The following DPYSL2 variants were observed in gnomAD, a reference collection of about 807,000 sequenced individuals.
DPYSL2 encodes dihydropyrimidinase-related protein 2.
Under a neutral mutation model 69.9 loss-of-function variants are expected in DPYSL2, and 13 were observed. That is an observed-to-expected ratio of 0.19 (90% CI 0.12 to 0.30). The LOEUF (loss-of-function observed/expected upper bound fraction) is 0.30. Among genes scored for constraint, DPYSL2 ranks in the 10% least tolerant of loss-of-function variants. The probability of loss-of-function intolerance (pLI) is 1.00; values close to 1 mark genes in which losing one functional copy is unlikely to be tolerated. For synonymous variants in DPYSL2, 326 were observed against 359.1 expected, an observed-to-expected ratio of 0.91 and a Z score of 1.04; for missense variants, 587 against 918.9, an observed-to-expected ratio of 0.64 and a Z score of 4.67.
At chr8:26,575,657 GAC>G (rs1290071043) in intron 1 of DPYSL2, among the ~76,000 whole-genome samples, 3 of 152,204 alleles carry the variant, frequency 2.0e-5, no homozygotes, top group Non-Finnish European at 4.4e-5. Context: ...CAATGAGACA[GAC>G]ACAAGCTCTT....
chr8:26,650,306 G>A lies in DPYSL2; in HGVS notation c.1597-1951G>A, dbSNP rs936833135. Among the ~76,000 whole-genome samples the A allele has an allele frequency of 1.3e-5, 2 of 152,316 alleles. No individual in the cohort carries two copies. Among genetic ancestry groups the A allele is most frequent in the African/African-American group, 4.8e-5 (2 of 41,578 alleles). On this transcript the variant is annotated intron_variant, in intron 11 of 13. Coordinates refer to ENST00000521913, the MANE Select transcript of DPYSL2 (RefSeq NM_001197293.3). This position sits in a 1 kb window ranked among gnomAD's most constrained non-coding sequence, Gnocchi z 5.3. The stretch of plus-strand genomic sequence containing the variant: ...ACCCAGGGCAGATGTCTCCATGGCC[G>A]AGGCTGCGCCCATACTCTACCCAGT...
At position 26,617,452 on chromosome 8, in the gene DPYSL2, A is replaced by G. The variant is rs1022691547; in HGVS notation, c.629-6691A>G. Among the ~76,000 whole-genome samples the G allele has an allele frequency of 6.6e-6, 1 of 152,122 alleles. No homozygotes were observed. The highest frequency in any genetic ancestry group is 2.1e-4 in the South Asian group (1 of 4,814). ...CAGGACTGCAGTGAGCTGTGATTGC[A>G]CTACTGCACTCCAGCCTGGGTGCCA... On this transcript the variant is annotated intron_variant, in intron 3 of 13. Coordinates refer to ENST00000521913, the MANE Select transcript of DPYSL2 (RefSeq NM_001197293.3). This position sits in a 1 kb window ranked among gnomAD's most constrained non-coding sequence, Gnocchi z 4.7.
rs149658426 is a variant in DPYSL2 at position 26,564,907 on chromosome 8, T to A, written c.355-17062T>A. ...TTGTACCTAATGTGTAGTTTTTTTTTATGCCTAGCCCCATTCCCACCCTCC... is the reference window on the plus strand; with the variant it reads ...TTGTACCTAATGTGTAGTTTTTTTTAATGCCTAGCCCCATTCCCACCCTCC... On this transcript the variant is annotated intron_variant, in intron 1 of 13. Coordinates refer to ENST00000521913, the MANE Select transcript of DPYSL2 (RefSeq NM_001197293.3). This position sits in a 1 kb window ranked among gnomAD's most constrained non-coding sequence, Gnocchi z 4.8. Among the ~76,000 whole-genome samples, 23 of 152,294 alleles carry A rather than the reference T, an allele frequency of 1.5e-4. No homozygotes were observed. The East Asian group carries it at 4.0e-3, about 27-fold the overall frequency.
At chr8:26,635,359 A>T (rs1332701906) in intron 8 of DPYSL2, among the ~76,000 whole-genome samples, 1 of 152,154 alleles carries the variant, frequency 6.6e-6, no homozygotes, top group Non-Finnish European at 1.5e-5. Context: ...TATCACATCC[A>T]GATGTTTTGG....
rs17055370 is a variant in DPYSL2 at position 26,514,277 on chromosome 8, T to C, written c.-49T>C. On this transcript the variant is annotated 5_prime_UTR_variant, in exon 1 of 14. Coordinates refer to ENST00000521913, the MANE Select transcript of DPYSL2 (RefSeq NM_001197293.3). The surrounding 1 kb of genome is among the most constrained non-coding windows in gnomAD (Gnocchi z 8.4). ...CACACAGCGAGGGAGACTTAGGGACTGGCAGACGGACGGACGGACGGCGAG... is the reference window on the plus strand; with the variant it reads ...CACACAGCGAGGGAGACTTAGGGACCGGCAGACGGACGGACGGACGGCGAG... 21,683 of 1,403,568 alleles carry C rather than the reference T, an allele frequency of 0.015. 220 individuals carry two copies. Among genetic ancestry groups the C allele is most frequent in the Middle Eastern group, 0.08 (434 of 5,440 alleles). 86.9% of individuals were successfully genotyped at this position (1,403,568 alleles called of 1,614,324 possible).
intron 3 of DPYSL2, among the ~76,000 whole-genome samples, chr8:26,603,999 G>T (rs1283506939): frequency 6.6e-6 from 1 of 152,124 alleles, no homozygotes; most frequent in Non-Finnish European, 1.5e-5. Flanking sequence ...GTGTGTGCCC[G>T]TAAATGGAAT....
At chr8:26,559,068 G>T (rs938655919) in intron 1 of DPYSL2, among the ~76,000 whole-genome samples, 1 of 152,056 alleles carries the variant, frequency 6.6e-6, no homozygotes, top group Non-Finnish European at 1.5e-5. Context: ...TCAGCCTCTT[G>T]AGTAACTGGG....
In DPYSL2 at chr8:26,656,060, C is replaced by T; in HGVS notation, c.*354C>T. 2 of 213,982 alleles carry T rather than the reference C, an allele frequency of 9.3e-6. No individual in the cohort carries two copies. Among genetic ancestry groups the T allele is most frequent in the Non-Finnish European group, 1.8e-5 (2 of 109,062 alleles). The allele number at this position is 213,982 out of a possible 1,614,324, so 13.3% of individuals were successfully genotyped here. On this transcript the variant is annotated 3_prime_UTR_variant, in exon 14 of 14. Transcript: ENST00000521913. ...TAGTGTCTGTTAGCATCTTCCTTTT[C>T]ATGGGGGGAGGGAAGATAAAGTGAA...
Position 26,560,108 on chromosome 8 carries a change from A to G in DPYSL2, c.355-21861A>G, listed in dbSNP as rs1801048331. Among the ~76,000 whole-genome samples, 1 of 152,246 alleles carries G rather than the reference A, an allele frequency of 6.6e-6. No individual in the cohort carries two copies. Among genetic ancestry groups the G allele is most frequent in the Admixed American group, 6.5e-5 (1 of 15,282 alleles). On this transcript the variant is annotated intron_variant, in intron 1 of 13. Coordinates refer to ENST00000521913, the MANE Select transcript of DPYSL2 (RefSeq NM_001197293.3). The surrounding 1 kb of genome is among the most constrained non-coding windows in gnomAD (Gnocchi z 4.4). ...TAAAAGAAATAATGCAGATATGCTA[A>G]GCAGAGTTGGTTTAGCAGAAGACAG...
rs377315444 is a variant in DPYSL2 at position 26,634,557 on chromosome 8, C to T, written c.1006-223C>T. On this transcript the variant is annotated intron_variant, in intron 7 of 13. Coordinates refer to ENST00000521913, the MANE Select transcript of DPYSL2 (RefSeq NM_001197293.3). Reference sequence around the variant, plus strand: ...TCAGCCTCCCAAAGTGCTGGGATTACAGGCATGAGCCACTGTGTCCAGCCA... The same window carrying T: ...TCAGCCTCCCAAAGTGCTGGGATTATAGGCATGAGCCACTGTGTCCAGCCA... 3.3e-5 allele frequency among the ~76,000 whole-genome samples: 5 copies of T among 151,270 alleles called. No individual in the cohort carries two copies. The South Asian group carries it at 1.0e-3, about 32-fold the overall frequency.
At chr8:26,542,718 A>T (rs1264692395) in intron 1 of DPYSL2, among the ~76,000 whole-genome samples, 2 of 152,150 alleles carry the variant, frequency 1.3e-5, no homozygotes. Flanking sequence ...GAGCTACCAC[A>T]CCTGGCCTAA....
intron 3 of DPYSL2, among the ~76,000 whole-genome samples, chr8:26,622,090 T>TTTCTTTCTTTCC (rs1491209184): frequency 7.8e-5 from 5 of 64,442 alleles, no homozygotes; most frequent in Non-Finnish European, 1.6e-4. Flanking sequence ...TCTTTCTTTC[T>TTTCTTTCTTTCC]TTCCTTCCTT....
chr8:26,575,760 G>T (rs989317242), intron 1 of DPYSL2, among the ~76,000 whole-genome samples: 2 of 152,160 alleles, frequency 1.3e-5, no homozygotes, highest in Admixed American at 6.5e-5. Flanking sequence ...AACAGGGACG[G>T]GGGTAGGGAA....
intron 7 of DPYSL2, among the ~76,000 whole-genome samples, chr8:26,633,627 C>G (rs1802832371): frequency 6.6e-6 from 1 of 152,054 alleles, no homozygotes. Flanking sequence ...GCCACCATGC[C>G]TGGCTAATTT....
rs201704592 is a variant in DPYSL2 at position 26,645,765 on chromosome 8, G to C, written c.1425+1674G>C. Reference sequence around the variant, plus strand: ...GGGTTTCACCATATTGGCCAGGCTGGTCTCAAACTCCTGACCTCAGGTGAT... The same window carrying C: ...GGGTTTCACCATATTGGCCAGGCTGCTCTCAAACTCCTGACCTCAGGTGAT... On this transcript the variant is annotated intron_variant, in intron 10 of 13. Coordinates refer to ENST00000521913, the MANE Select transcript of DPYSL2 (RefSeq NM_001197293.3). Among the ~76,000 whole-genome samples, 9 of 152,246 alleles carry C rather than the reference G, an allele frequency of 5.9e-5. No homozygotes were observed. In the East Asian group the frequency reaches 1.7e-3, roughly 29 times the overall value.
intron 1 of DPYSL2, among the ~76,000 whole-genome samples, chr8:26,578,875 A>G (rs1467429041): frequency 9.2e-5 from 14 of 152,130 alleles, no homozygotes; most frequent in Non-Finnish European, 1.8e-4. Context: ...GGAAGGAAAA[A>G]CAGGGACGAG....
Position 26,514,993 on chromosome 8 carries a change from C to G in DPYSL2, c.354+314C>G, listed in dbSNP as rs574207527. Reference sequence around the variant, plus strand: ...GTCTGGGAGGGGGTTGGCCGCGGTTCCATTCTTCTGAAACCCTCCCGGGCG... The same window carrying G: ...GTCTGGGAGGGGGTTGGCCGCGGTTGCATTCTTCTGAAACCCTCCCGGGCG... On this transcript the variant is annotated intron_variant, in intron 1 of 13. Coordinates refer to ENST00000521913, the MANE Select transcript of DPYSL2 (RefSeq NM_001197293.3). The surrounding 1 kb of genome is among the most constrained non-coding windows in gnomAD (Gnocchi z 8.4). 4.7e-3 allele frequency among the ~76,000 whole-genome samples: 714 copies of G among 152,326 alleles called. 11 individuals are homozygous for G. The highest frequency in any genetic ancestry group is 0.016 in the African/African-American group (658 of 41,576).
rs1394515199 is a variant in DPYSL2, at chr8:26,582,836, T to C, written c.443+779T>C. Among the ~76,000 whole-genome samples the C allele has an allele frequency of 6.6e-6, 1 of 152,172 alleles. No individual in the cohort carries two copies. Among genetic ancestry groups the C allele is most frequent in the Non-Finnish European group, 1.5e-5 (1 of 68,026 alleles). On this transcript the variant is annotated intron_variant, in intron 2 of 13. Coordinates refer to ENST00000521913, the MANE Select transcript of DPYSL2 (RefSeq NM_001197293.3). This position sits in a 1 kb window ranked among gnomAD's most constrained non-coding sequence, Gnocchi z 4.1. ...TCATCAAGGGATAGCTGTAAACCGGTCCAGAGGAGTGGAAAACTGGAGTGG... is the reference window on the plus strand; with the variant it reads ...TCATCAAGGGATAGCTGTAAACCGGCCCAGAGGAGTGGAAAACTGGAGTGG...
In DPYSL2 at chr8:26,562,265, G is replaced by A. The variant is rs1801084903; in HGVS notation, c.355-19704G>A. Among the ~76,000 whole-genome samples, 1 of 152,204 alleles carries A rather than the reference G, an allele frequency of 6.6e-6. No individual in the cohort carries two copies. Among genetic ancestry groups the A allele is most frequent in the Non-Finnish European group, 1.5e-5 (1 of 68,038 alleles). Reference sequence around the variant, plus strand: ...CTTTGTTTCCACTCTACCTCACAGAGTTGTTGTGAGGATTAAATGTATTAT... The same window carrying A: ...CTTTGTTTCCACTCTACCTCACAGAATTGTTGTGAGGATTAAATGTATTAT... On this transcript the variant is annotated intron_variant, in intron 1 of 13. Transcript: ENST00000521913. This position sits in a 1 kb window ranked among gnomAD's most constrained non-coding sequence, Gnocchi z 4.9.
Sources: allele counts gnomAD v4.1 joint callset (sites outside exome capture counted in the v4.1 genomes callset), GRCh38; gene constraint gnomAD v4.1.1; non-coding constraint Gnocchi (gnomAD v3.1); transcripts MANE v1.5; gene names NCBI Gene and HGNC (gene_info 2026-07-23, HGNC 2026-07-21).